Variants in ERBB4 observed in about 807,000 individuals in gnomAD.
The protein encoded by ERBB4 is erb-b2 receptor tyrosine kinase 4.
A neutral mutation model predicts 158.0 loss-of-function variants in ERBB4; 42 were observed. The observed-to-expected ratio is 0.27, with a 90% CI of 0.21 to 0.34. The LOEUF (loss-of-function observed/expected upper bound fraction) is 0.34, where lower values mean the gene tolerates loss of function less well. Among genes scored for constraint, ERBB4 ranks in the 10% least tolerant of loss-of-function variants. ERBB4 has a pLI of 1.00. For missense variants in ERBB4, 1,333 were observed against 1,624.1 expected, an observed-to-expected ratio of 0.82 and a Z score of 3.08; for synonymous variants, 583 against 558.7, an observed-to-expected ratio of 1.04 and a Z score of -0.61.
intron 1 of ERBB4, among the ~76,000 whole-genome samples, chr2:212,128,896 T>C (rs1468182812): frequency 6.6e-6 from 1 of 152,162 alleles, no homozygotes; most frequent in African/African-American, 2.4e-5. Flanking sequence ...AAGTCCAAGA[T>C]ATTTTTCATT....
chr2:212,074,926 G>C (rs914451083), intron 2 of ERBB4, among the ~76,000 whole-genome samples: 1 of 151,752 alleles, frequency 6.6e-6, no homozygotes. Context: ...TTTGCTGGTC[G>C]TAGAGGTCCT....
chr2:212,538,640 G>A lies in ERBB4; in HGVS notation c.-110C>T, dbSNP rs558593762. 24 of 1,175,322 alleles carry A rather than the reference G, an allele frequency of 2.0e-5. 1 individual carries two copies. The East Asian group carries it at 5.3e-4, about 26-fold the overall frequency. 72.8% of individuals were successfully genotyped at this position (1,175,322 alleles called of 1,614,324 possible). On this transcript the variant is annotated 5_prime_UTR_variant, in exon 1 of 28. Transcript: ENST00000342788. ...GCCGGGCGCGCGTGGGGGTGCGAGG[G>A]GGGCGGGCGCGGCGCGCGCGGTGTG... is the stretch of plus-strand genomic sequence containing the variant.
At chr2:211,584,996 TATA>T (rs1031347509) in intron 19 of ERBB4, among the ~76,000 whole-genome samples, 1 of 152,080 alleles carries the variant, frequency 6.6e-6, no homozygotes, top group African/African-American at 2.4e-5. Flanking sequence ...AATAAAAATG[TATA>T]ATGATTAGCT....
chr2:211,993,526 G>A (rs1480778404), intron 2 of ERBB4, among the ~76,000 whole-genome samples: 12 of 151,760 alleles, frequency 7.9e-5, no homozygotes, highest in Admixed American at 7.9e-4. Context: ...TAGGAAGAAG[G>A]ATGACAACGT....
intron 1 of ERBB4, among the ~76,000 whole-genome samples, chr2:212,187,287 G>A (rs1309500191): frequency 3.3e-5 from 5 of 151,910 alleles, no homozygotes; most frequent in East Asian, 1.9e-4. Context: ...ATGATTCTTC[G>A]GTTTAAGATT....
chr2:211,464,216 G>C (rs551349606), intron 20 of ERBB4, among the ~76,000 whole-genome samples: 18 of 152,164 alleles, frequency 1.2e-4, no homozygotes, highest in African/African-American at 3.6e-4. Flanking sequence ...TTTGGTTTTT[G>C]TCTGTTTTGT....
chr2:211,972,007 A>G (rs2081468409), intron 2 of ERBB4, among the ~76,000 whole-genome samples: 1 of 152,242 alleles, frequency 6.6e-6, no homozygotes, highest in Non-Finnish European at 1.5e-5. Flanking sequence ...TTCTATATCT[A>G]GAAAACCCCA....
intron 14 of ERBB4, among the ~76,000 whole-genome samples, chr2:211,669,576 T>TA (rs1433358333): frequency 6.6e-6 from 1 of 152,094 alleles, no homozygotes; most frequent in Non-Finnish European, 1.5e-5. Flanking sequence ...AATAAAATTA[T>TA]AAAAAATTAA....
intron 2 of ERBB4, among the ~76,000 whole-genome samples, chr2:211,985,643 T>C (rs764862050): frequency 2.0e-5 from 3 of 151,990 alleles, no homozygotes; most frequent in African/African-American, 4.8e-5. Context: ...TCTTATGTAT[T>C]AGAAGGATGA....
intron 1 of ERBB4, among the ~76,000 whole-genome samples, chr2:212,319,347 A>T (rs1212072837): frequency 7.0e-6 from 1 of 143,606 alleles, no homozygotes; most frequent in South Asian, 2.3e-4. Context: ...TCCTGGGTTT[A>T]GTTTAACTGT....
intron 3 of ERBB4, among the ~76,000 whole-genome samples, chr2:211,836,311 T>C (rs1303102704): frequency 1.3e-5 from 2 of 152,052 alleles, no homozygotes; most frequent in African/African-American, 2.4e-5. Flanking sequence ...CACTTTCAGA[T>C]CATAAGGTAA....
intron 1 of ERBB4, among the ~76,000 whole-genome samples, chr2:212,306,370 T>C (rs2086810406): frequency 6.6e-6 from 1 of 151,460 alleles, no homozygotes. Flanking sequence ...AACCCCATCT[T>C]AGCACTGTGA....
Position 211,566,365 on chromosome 2 carries a change from T to C in ERBB4, c.2302-4277A>G, listed in dbSNP as rs149383076. ...GCTGGAAGGCCAGATTATAGGTAAATAGGAGACACCCAACAAGTTTCCAAA... is the reference window on the plus strand; with the variant it reads ...GCTGGAAGGCCAGATTATAGGTAAACAGGAGACACCCAACAAGTTTCCAAA... On this transcript the variant is annotated intron_variant, in intron 19 of 27. Coordinates refer to ENST00000342788, the MANE Select transcript of ERBB4 (RefSeq NM_005235.3). Among the ~76,000 whole-genome samples, 20 of 152,200 alleles carry C rather than the reference T, an allele frequency of 1.3e-4. No individual in the cohort carries two copies. The East Asian group carries it at 3.3e-3, about 25-fold the overall frequency.
chr2:212,344,476 ATG>A (rs58499972), intron 1 of ERBB4, among the ~76,000 whole-genome samples: 24,553 of 121,248 alleles, frequency 0.2, 2,075 homozygotes, highest in South Asian at 0.29. Flanking sequence ...GTGTGTATAT[ATG>A]TGTGTGTGTG....
intron 16 of ERBB4, among the ~76,000 whole-genome samples, chr2:211,657,226 AG>A (rs2071248664): frequency 6.6e-6 from 1 of 150,418 alleles, no homozygotes; most frequent in Non-Finnish European, 1.5e-5. Context: ...TTAAAAATCG[AG>A]GCCGGGCACA....
Position 212,081,380 on chromosome 2 carries a change from G to A in ERBB4, c.234+43372C>T, listed in dbSNP as rs77871302. 8.3e-3 allele frequency among the ~76,000 whole-genome samples: 1,269 copies of A among 152,170 alleles called. 10 individuals are homozygous for A. Among genetic ancestry groups the A allele is most frequent in the African/African-American group, 0.028 (1,181 of 41,546 alleles). On this transcript the variant is annotated intron_variant, in intron 2 of 27. Coordinates refer to ENST00000342788, the MANE Select transcript of ERBB4 (RefSeq NM_005235.3). ...AAAGGAGACAGTATAAACCTGTCAA[G>A]ACATTAAAAAACAAACAAGGAAACA...
chr2:211,791,525 T>C (rs371934542), intron 3 of ERBB4, among the ~76,000 whole-genome samples: 98 of 151,296 alleles, frequency 6.5e-4, no homozygotes, highest in African/African-American at 2.2e-3. Context: ...AAAAAAAAAA[T>C]GTTGAATGCG....
chr2:211,680,140 T>C lies in ERBB4; in HGVS notation c.1490-956A>G, dbSNP rs150084364. Among the ~76,000 whole-genome samples, 609 of 152,330 alleles carry C rather than the reference T, an allele frequency of 4.0e-3. 3 individuals carry two copies. The highest frequency in any genetic ancestry group is 6.3e-3 in the Non-Finnish European group (426 of 68,024). On this transcript the variant is annotated intron_variant, in intron 12 of 27. Coordinates refer to ENST00000342788, the MANE Select transcript of ERBB4 (RefSeq NM_005235.3). ...AGATTAAAGCAGTAACAATAGTCTT[T>C]AGTGTTATCTCTATGTTATCTCTAT...
chr2:211,988,638 T>A (rs1321287918), intron 2 of ERBB4, among the ~76,000 whole-genome samples: 1 of 152,080 alleles, frequency 6.6e-6, no homozygotes, highest in African/African-American at 2.4e-5. Context: ...GTGTCAAACA[T>A]TTTAATTCAC....
Sources: allele counts gnomAD v4.1 joint callset (sites outside exome capture counted in the v4.1 genomes callset), GRCh38; gene constraint gnomAD v4.1.1; transcripts MANE v1.5; gene names NCBI Gene and HGNC (gene_info 2026-07-23, HGNC 2026-07-21).